CTNNA3: variants seen among roughly 807,000 people sequenced by gnomAD.
The protein encoded by CTNNA3 is catenin alpha-3.
Under a neutral mutation model 95.7 loss-of-function variants are expected in CTNNA3, and 76 were observed. The observed-to-expected ratio is 0.79, with a 90% CI of 0.66 to 0.96. The LOEUF (loss-of-function observed/expected upper bound fraction) is 0.96. Ranked by LOEUF, CTNNA3 falls within the 40% of genes least tolerant of loss-of-function variation. The probability of loss-of-function intolerance (pLI) is 0.00; values close to 1 mark genes in which losing one functional copy is unlikely to be tolerated. For synonymous variants in CTNNA3, 431 were observed against 374.4 expected (o/e 1.15, Z -1.74); for missense variants, 1,191 against 1,089.8 (o/e 1.09, Z -1.31).
intron 7 of CTNNA3, among the ~76,000 whole-genome samples, chr10:67,178,097 G>A (rs1034239817): frequency 3.3e-5 from 5 of 152,048 alleles, no homozygotes; most frequent in Admixed American, 2.0e-4. Context: ...TCCTGCCTCC[G>A]AGTGACTTCC....
At chr10:66,868,799 C>G (rs1401740869) in intron 7 of CTNNA3, among the ~76,000 whole-genome samples, 1 of 151,060 alleles carries the variant, frequency 6.6e-6, no homozygotes, top group Non-Finnish European at 1.5e-5. Context: ...AAAAAACTTA[C>G]TGTGAGCATA....
chr10:67,525,883 G>A (rs1270367917), intron 4 of CTNNA3, among the ~76,000 whole-genome samples: 5 of 152,112 alleles, frequency 3.3e-5, no homozygotes, highest in African/African-American at 7.2e-5. Context: ...GCATTTATAC[G>A]AGGTGCTGGG....
chr10:67,539,498 C>G lies in CTNNA3; in HGVS notation c.459+5G>C. 1 of 1,612,684 alleles carries G rather than the reference C, an allele frequency of 6.2e-7. No homozygotes were observed. Among genetic ancestry groups the G allele is most frequent in the South Asian group, 1.1e-5 (1 of 91,010 alleles). On this transcript the variant is annotated splice_donor_5th_base_variant and intron_variant, in intron 4 of 17. Coordinates refer to ENST00000433211, the MANE Select transcript of CTNNA3 (RefSeq NM_013266.4). Reference sequence around the variant, plus strand: ...CCAAGGTAAACTAAGCCATCTTTTACTTACAGCTGACACATGTTGCAAGAG... The same window carrying G: ...CCAAGGTAAACTAAGCCATCTTTTAGTTACAGCTGACACATGTTGCAAGAG...
intron 3 of CTNNA3, among the ~76,000 whole-genome samples, chr10:67,573,177 G>A (rs1376730009): frequency 6.6e-6 from 1 of 152,102 alleles, no homozygotes; most frequent in African/African-American, 2.4e-5. Flanking sequence ...ACATCATTAC[G>A]AATTGGTGTA....
At chr10:67,350,050 C>G (rs1842574244) in intron 5 of CTNNA3, among the ~76,000 whole-genome samples, 1 of 152,092 alleles carries the variant, frequency 6.6e-6, no homozygotes, top group Admixed American at 6.6e-5. Flanking sequence ...AATTTAATTA[C>G]CAATTTCGGG....
intron 7 of CTNNA3, among the ~76,000 whole-genome samples, chr10:66,982,242 G>T (rs1850484626): frequency 6.6e-6 from 1 of 152,162 alleles, no homozygotes; most frequent in South Asian, 2.1e-4. Flanking sequence ...GATTTTGCTA[G>T]TTAAGCATTT....
intron 12 of CTNNA3, among the ~76,000 whole-genome samples, chr10:66,313,781 G>A (rs769937365): frequency 1.3e-5 from 2 of 152,136 alleles, no homozygotes; most frequent in Non-Finnish European, 2.9e-5. Flanking sequence ...GCAGTAAAGC[G>A]TAAGAGCCTG....
intron 5 of CTNNA3, among the ~76,000 whole-genome samples, chr10:67,391,277 C>T (rs1471950581): frequency 5.3e-5 from 8 of 151,560 alleles, no homozygotes; most frequent in Admixed American, 5.3e-4. Flanking sequence ...AAACAGAGAC[C>T]CAAATCATGA....
intron 2 of CTNNA3, among the ~76,000 whole-genome samples, chr10:67,622,471 T>C (rs754356355): frequency 5.9e-5 from 9 of 152,098 alleles, no homozygotes; most frequent in Non-Finnish European, 1.2e-4. Context: ...AACATTAAAG[T>C]GAAGAAAATC....
chr10:66,127,397 A>T lies in CTNNA3; in HGVS notation c.1885-24148T>A, dbSNP rs74142680. ...CAATACTTGAAATGATATGATAAAA[A>T]TGGTACTTTTTCTCACTGGTCTTCC... On this transcript the variant is annotated intron_variant, in intron 13 of 17. Coordinates refer to ENST00000433211, the MANE Select transcript of CTNNA3 (RefSeq NM_013266.4). 8.5e-4 allele frequency among the ~76,000 whole-genome samples: 129 copies of T among 152,234 alleles called. 1 individual carries two copies. The highest frequency in any genetic ancestry group is 2.9e-3 in the African/African-American group (121 of 41,542).
intron 5 of CTNNA3, among the ~76,000 whole-genome samples, chr10:67,503,040 C>T (rs1409836863): frequency 6.6e-6 from 1 of 152,200 alleles, no homozygotes; most frequent in Admixed American, 6.5e-5. Context: ...GCAGCTAGCT[C>T]AGTGTCTGCC....
At position 67,648,759 on chromosome 10, in the gene CTNNA3, C is replaced by T. The variant is rs150911804; in HGVS notation, c.-5-1241G>A. 8.6e-5 allele frequency: 111 copies of T among 1,289,668 alleles called. No individual in the cohort carries two copies. The African/African-American group carries it at 1.4e-3, about 16-fold the overall frequency. 79.9% of individuals were successfully genotyped at this position (1,289,668 alleles called of 1,614,324 possible). ...TTTTACCTTGTTTCTCTCTCCTTTG[C>T]GTTGATTTCATTCTCCTTCTAAAAG... On this transcript the variant is annotated intron_variant, in intron 1 of 17. Transcript: ENST00000433211.
chr10:67,523,796 T>C (rs191808895), intron 4 of CTNNA3, among the ~76,000 whole-genome samples: 5 of 152,324 alleles, frequency 3.3e-5, no homozygotes, highest in Admixed American at 3.3e-4. Flanking sequence ...TAATGACCTT[T>C]ATATGAAATA....
chr10:66,025,542 T>C (rs2079316248), intron 15 of CTNNA3, among the ~76,000 whole-genome samples: 1 of 152,188 alleles, frequency 6.6e-6, no homozygotes. Flanking sequence ...GTGTTTTACA[T>C]CATTGAATGT....
At chr10:66,495,131 G>A (rs1840058034) in intron 11 of CTNNA3, among the ~76,000 whole-genome samples, 1 of 152,116 alleles carries the variant, frequency 6.6e-6, no homozygotes, top group African/African-American at 2.4e-5. Context: ...CTATTTATCA[G>A]TATATTAACA....
chr10:66,500,742 A>G (rs1303823644), intron 11 of CTNNA3, among the ~76,000 whole-genome samples: 1 of 152,144 alleles, frequency 6.6e-6, no homozygotes, highest in Non-Finnish European at 1.5e-5. Flanking sequence ...TCCTCCCATG[A>G]CCATTTTCCA....
chr10:66,735,688 T>A (rs1849112138), intron 9 of CTNNA3, among the ~76,000 whole-genome samples: 1 of 152,200 alleles, frequency 6.6e-6, no homozygotes, highest in South Asian at 2.1e-4. Context: ...TTCTTGCTTT[T>A]ATCTCCATCA....
chr10:66,834,415 C>T (rs1389842476), intron 7 of CTNNA3, among the ~76,000 whole-genome samples: 1 of 152,188 alleles, frequency 6.6e-6, no homozygotes, highest in African/African-American at 2.4e-5. Flanking sequence ...AAAATACTTT[C>T]ATAGATATCA....
chr10:65,995,526 G>A lies in CTNNA3; in HGVS notation c.2160-6729C>T, dbSNP rs73306097. On this transcript the variant is annotated intron_variant, in intron 15 of 17. Coordinates refer to ENST00000433211, the MANE Select transcript of CTNNA3 (RefSeq NM_013266.4). ...GAACTGCAGGTGGGTTGGTCCTCAG[G>A]CCTCGGTGGTGGGCCAAGCATGCCT... Among the ~76,000 whole-genome samples, 859 of 152,280 alleles carry A rather than the reference G, an allele frequency of 5.6e-3. 9 individuals carry two copies. The highest frequency in any genetic ancestry group is 0.02 in the African/African-American group (813 of 41,560).
Sources: gnomAD v4.1 joint callset for allele counts (sites outside exome capture counted in the v4.1 genomes callset) on GRCh38, gnomAD v4.1.1 for gene constraint, MANE v1.5 for transcripts, NCBI Gene and HGNC (gene_info 2026-07-23, HGNC 2026-07-21) for gene names.